Variants in PKHD1L1 observed in about 807,000 individuals in gnomAD.
PKHD1L1 encodes the protein fibrocystin-L.
Under a neutral mutation model 462.9 loss-of-function variants are expected in PKHD1L1, and 434 were observed. That is an observed-to-expected ratio of 0.94 (90% CI 0.87 to 1.02). The LOEUF (loss-of-function observed/expected upper bound fraction) is 1.02. PKHD1L1 is among the 50% of genes least tolerant of loss of function. PKHD1L1 has a pLI of 0.00. For missense variants in PKHD1L1, 5,202 were observed against 5,096.1 expected, an observed-to-expected ratio of 1.02 and a Z score of -0.63; for synonymous variants, 1,781 against 1,750.0, an observed-to-expected ratio of 1.02 and a Z score of -0.44.
intron 42 of PKHD1L1, 38 bp from the exon 43 acceptor site, chr8:109,452,680 A>T (rs748567771): frequency 9.7e-6 from 13 of 1,333,764 alleles, no homozygotes; most frequent in Admixed American, 3.8e-5. Flanking sequence ...ACTCTGGTAA[A>T]ATCCCTAAAT....
chr8:109,461,887 T>C lies in PKHD1L1; in HGVS notation c.7362T>C (p.Thr2454=), dbSNP rs1391330508. 4 of 1,603,008 alleles carry C rather than the reference T, an allele frequency of 2.5e-6. No individual in the cohort carries two copies. Among genetic ancestry groups the C allele is most frequent in the African/African-American group, 2.7e-5 (2 of 74,912 alleles). Residue 2454 remains threonine (T), a synonymous_variant, in exon 48 of 78, where the codon ACT becomes ACC. Coordinates refer to ENST00000378402, the MANE Select transcript of PKHD1L1 (RefSeq NM_177531.6). The stretch of plus-strand genomic sequence containing the variant: ...CTGTACCTGGTGCTAACATGGTAAC[T>C]GGGAGAATAGAATATGTAGAGGTGA... ...HAPVPGANMV[T]GRIEYVEVFH...
intron 14 of PKHD1L1, 97 bp downstream of exon 14, chr8:109,401,685 G>A: frequency 1.7e-6 from 1 of 581,162 alleles, no homozygotes. Flanking sequence ...TGGTGGAAGT[G>A]ATATTAGTTT....
chr8:109,530,752 C>T lies in PKHD1L1; in HGVS notation c.*662C>T, dbSNP rs1482681445. 6.6e-6 allele frequency among the ~76,000 whole-genome samples: 1 copy of T among 152,098 alleles called. No homozygotes were observed. Among genetic ancestry groups the T allele is most frequent in the African/African-American group, 2.4e-5 (1 of 41,428 alleles). On this transcript the variant is annotated 3_prime_UTR_variant, in exon 78 of 78. Coordinates refer to ENST00000378402, the MANE Select transcript of PKHD1L1 (RefSeq NM_177531.6). The stretch of plus-strand genomic sequence containing the variant: ...TGAACTTTTGGAACAAGTCCAAACT[C>T]CTTCTCTGCCTACCCCTCCTTCCCA...
chr8:109,440,799 C>A lies in PKHD1L1; in HGVS notation c.4046C>A (p.Thr1349Asn), dbSNP rs185023340. The change falls in exon 33 of 78, where the codon ACC (threonine) becomes AAC (asparagine). Residue 1349 changes from threonine (T) to asparagine (N), a missense_variant. Coordinates refer to ENST00000378402, the MANE Select transcript of PKHD1L1 (RefSeq NM_177531.6). ...RGSLFGGTEI[T>N]IRGFGFSTIP... ...TCCTTGTTTGGTGGAACTGAAATCA[C>A]CATAAGGGGTTTTGGATTCAGCACA... 19,228 of 1,612,986 alleles carry A rather than the reference C, an allele frequency of 0.012. 160 individuals are homozygous for A. Among genetic ancestry groups the A allele is most frequent in the Non-Finnish European group, 0.014 (16,069 of 1,179,276 alleles).
chr8:109,430,100 A>G (rs201506782), intron 27 of PKHD1L1, 63 bp downstream of exon 27: 6 of 1,039,852 alleles, frequency 5.8e-6, no homozygotes, highest in South Asian at 4.4e-5. Context: ...GTAAACTCTG[A>G]TAATGACTTT....
intron 11 of PKHD1L1, among the ~76,000 whole-genome samples, chr8:109,396,962 T>A (rs189648097): frequency 2.0e-4 from 30 of 152,206 alleles, no homozygotes; most frequent in Admixed American, 5.2e-4. Context: ...ATTTATACAG[T>A]CTTCTTTCGT....
rs765761427 is a variant in PKHD1L1 at position 109,435,334 on chromosome 8, C to G, written c.3485C>G (p.Pro1162Arg). 31 of 1,612,176 alleles carry G rather than the reference C, an allele frequency of 1.9e-5. 1 individual carries two copies. The Admixed American group carries it at 3.5e-4, about 18-fold the overall frequency. The part of the protein sequence containing the change: ...VYQSQISHIW[P>R]DSGSIAGGTL... ...CAGAGTCAGATCTCACATATCTGGC[C>G]TGATTCTGGAAGCATAGCAGGTAAT... The change falls in exon 29 of 78, where the codon CCT (proline) becomes CGT (arginine). Residue 1162 changes from proline to arginine, a missense_variant. Around this residue, in one of 3 missense-constraint regions of PKHD1L1, gnomAD observed 4,497 missense variants for 4,336.8 expected, o/e 1.04. Coordinates refer to ENST00000378402, the MANE Select transcript of PKHD1L1 (RefSeq NM_177531.6).
intron 8 of PKHD1L1, 38 bp from the exon 9 acceptor site, chr8:109,390,413 TG>T: frequency 8.2e-7 from 1 of 1,216,506 alleles, no homozygotes; most frequent in Non-Finnish European, 1.1e-6. Context: ...CTTCTGTGAC[TG>T]GGAATTTAAT....
At chr8:109,383,177 A>AAT (rs1563723826) in intron 4 of PKHD1L1, among the ~76,000 whole-genome samples, 2 of 109,206 alleles carry the variant, frequency 1.8e-5, no homozygotes, top group African/African-American at 7.4e-5. Flanking sequence ...TATATACAAT[A>AAT]ATATATATAA....
At chr8:109,404,920 G>A (rs1264435118) in intron 15 of PKHD1L1, 75 bp from the exon 16 acceptor site, 20 of 1,170,470 alleles carry the variant, frequency 1.7e-5, no homozygotes, top group Non-Finnish European at 2.1e-5. Context: ...AAGTGGCATT[G>A]AATAGCTGAA....
In PKHD1L1 at chr8:109,479,632, A is replaced by G. The variant is rs1407088973; in HGVS notation, c.9171A>G (p.Ile3057Met). 1.3e-6 allele frequency: 2 copies of G among 1,493,418 alleles called. No individual in the cohort carries two copies. Among genetic ancestry groups the G allele is most frequent in the Non-Finnish European group, 1.8e-6 (2 of 1,083,496 alleles). 92.5% of individuals were successfully genotyped at this position (1,493,418 alleles called of 1,614,324 possible). A position where few individuals can be genotyped will look rare whatever the true frequency, so the allele number is the denominator to read the frequency against. ...CTCACCCAGGGGCAAATGTGATTAT[A>G]CCTGAAGGTAAATGCGTAAACACAA... ...TVPHPGANVI[I>M]PEGTWIVADI... The change falls in exon 54 of 78, where the codon ATA becomes ATG. Residue 3057 changes from isoleucine (I) to methionine (M), a missense_variant. Around this residue, in one of 3 missense-constraint regions of PKHD1L1, gnomAD observed 4,497 missense variants for 4,336.8 expected, o/e 1.04. Transcript: ENST00000378402.
chr8:109,416,536 C>T (rs1247653637), intron 21 of PKHD1L1, among the ~76,000 whole-genome samples: 1 of 152,158 alleles, frequency 6.6e-6, no homozygotes, highest in African/African-American at 2.4e-5. Context: ...TGTTGCATCC[C>T]CCAGTGCACA....
chr8:109,484,993 T>C, intron 57 of PKHD1L1, 51 bp from the exon 58 acceptor site: 1 of 1,415,738 alleles, frequency 7.1e-7, no homozygotes, highest in Non-Finnish European at 9.5e-7. Context: ...TCAAGAAATA[T>C]AAATCTATTT....
chr8:109,414,712 G>A lies in PKHD1L1; in HGVS notation c.2360+1167G>A, dbSNP rs566082710. Among the ~76,000 whole-genome samples the A allele has an allele frequency of 2.0e-5, 3 of 152,086 alleles. No individual in the cohort carries two copies. In the South Asian group the frequency reaches 6.2e-4, roughly 32 times the overall value. On this transcript the variant is annotated intron_variant, in intron 21 of 77. Transcript: ENST00000378402. The stretch of plus-strand genomic sequence containing the variant: ...ACTTTCATGTGTGGAACAAGCACGA[G>A]GGAGAACCAGCTTCTCCTCTTGACA...
At chr8:109,470,946 G>A (rs748041167) in intron 50 of PKHD1L1, 54 of 1,609,326 alleles carry the variant, frequency 3.4e-5, no homozygotes, top group Non-Finnish European at 4.2e-5. Flanking sequence ...CTGAACAACA[G>A]TGGGGAGTTC....
intron 2 of PKHD1L1, among the ~76,000 whole-genome samples, chr8:109,366,611 CA>C (rs1187037469): frequency 6.6e-6 from 1 of 150,928 alleles, no homozygotes; most frequent in Non-Finnish European, 1.5e-5. Flanking sequence ...ATATTCTTAT[CA>C]AAAAAATTTT....
chr8:109,419,177 G>A lies in PKHD1L1; in HGVS notation c.2441G>A (p.Ser814Asn), dbSNP rs780894747. ...TGTNVSLQRISLHKASESQSF... is the reference protein window; with the variant it reads ...TGTNVSLQRINLHKASESQSF... The stretch of plus-strand genomic sequence containing the variant: ...ACAAATGTTTCTCTTCAGAGGATTA[G>A]CTTACATAAAGCATCAGAATCACAG... Residue 814 changes from serine (S) to asparagine (N), a missense_variant, in exon 22 of 78, where the codon AGC becomes AAC. By Grantham distance (46) the Ser-to-Asn change is conservative. This residue lies in a region of PKHD1L1 where 4,497 missense variants were observed against 4,336.8 expected (regional missense o/e 1.04). Transcript: ENST00000378402. 7 of 1,613,526 alleles carry A rather than the reference G, an allele frequency of 4.3e-6. No individual in the cohort carries two copies. In the East Asian group the frequency reaches 1.6e-4, roughly 36 times the overall value.
chr8:109,447,291 G>T (rs1030556962), intron 38 of PKHD1L1, among the ~76,000 whole-genome samples: 3 of 151,990 alleles, frequency 2.0e-5, no homozygotes, highest in African/African-American at 7.2e-5. Flanking sequence ...TATCTGTCAC[G>T]TTTAAAATAA....
rs780521859 is a variant in PKHD1L1 at position 109,482,989 on chromosome 8, GT to G, written c.9461del (p.Val3154GlyfsTer32). The G allele has an allele frequency of 3.8e-6, 6 of 1,582,954 alleles. No homozygotes were observed. The Middle Eastern group carries it at 8.4e-4, about 221-fold the overall frequency. ...GPNQGAKVLG[V>X]FGELDLHGIP... ...AGGAGTGTGCTTTTCTTCTTTAGGG[GT>G]GTTTGGTGAGCTGGATCTTCATGGA... On this transcript the variant is annotated frameshift_variant, in exon 57 of 78. Transcript: ENST00000378402. LOFTEE classifies it high-confidence loss of function.
Sources: allele counts gnomAD v4.1 joint callset (sites outside exome capture counted in the v4.1 genomes callset), GRCh38; gene constraint gnomAD v4.1.1; regional missense constraint gnomAD v4.1.1; transcripts MANE v1.5; gene names NCBI Gene and HGNC (gene_info 2026-07-23, HGNC 2026-07-21).